The following RAD51B variants were observed in gnomAD, a reference collection of about 807,000 sequenced individuals.
The protein encoded by RAD51B is RAD51 paralog B, also known as DNA repair protein RAD51 homolog 2.
RAD51B carries 38 observed loss-of-function variants against 42.2 expected under a neutral mutation model. The ratio of observed to expected loss-of-function variants is 0.90; its 90% CI spans 0.70 to 1.18. The LOEUF (loss-of-function observed/expected upper bound fraction) is 1.18, where lower values mean the gene tolerates loss of function less well. RAD51B is among the 50% of genes most tolerant of loss of function. The probability of loss-of-function intolerance (pLI) is 0.00; values close to 1 mark genes in which losing one functional copy is unlikely to be tolerated. For missense variants in RAD51B, 373 were observed against 400.7 expected, an observed-to-expected ratio of 0.93 and a Z score of 0.59; for synonymous variants, 154 against 145.2, an observed-to-expected ratio of 1.06 and a Z score of -0.43.
chr14:68,629,049 G>A (rs12893179), intron 10 of RAD51B, among the ~76,000 whole-genome samples: 25,180 of 152,164 alleles, frequency 0.17, 2,534 homozygotes, highest in South Asian at 0.24. Context: ...GCTGCAGGAA[G>A]GCCATCACCC....
Position 68,520,366 on chromosome 14 carries a change from G to A in RAD51B, c.1036+52116G>A, listed in dbSNP as rs80087065. 7.5e-3 allele frequency among the ~76,000 whole-genome samples: 1,145 copies of A among 152,254 alleles called. 4 individuals are homozygous for A. The highest frequency in any genetic ancestry group is 0.014 in the Middle Eastern group (4 of 294). On this transcript the variant is annotated intron_variant, in intron 10 of 10. Coordinates refer to the RAD51B transcript ENST00000487270. ...TAAATTATGAACTATTAGATTACTG[G>A]CTATTAGATTATCCACTGGAATGGA... is the stretch of plus-strand genomic sequence containing the variant.
chr14:68,356,707 C>T (rs4902572), intron 8 of RAD51B, among the ~76,000 whole-genome samples: 3,762 of 151,826 alleles, frequency 0.025, no homozygotes, highest in African/African-American at 0.084. Flanking sequence ...ATAGGCCGGG[C>T]GCGGTGGCTC....
intron 9 of RAD51B, among the ~76,000 whole-genome samples, chr14:68,421,321 C>T (rs11849916): frequency 0.18 from 26,734 of 151,882 alleles, 2,692 homozygotes; most frequent in Non-Finnish European, 0.23. Flanking sequence ...TGAGATGCTA[C>T]GCCGCCTGAG....
At chr14:68,182,945 C>G (rs2140887116) in intron 7 of RAD51B, among the ~76,000 whole-genome samples, 1 of 152,252 alleles carries the variant, frequency 6.6e-6, no homozygotes, top group South Asian at 2.1e-4. Flanking sequence ...TATTCCTTTT[C>G]TTTCCTTGGT....
intron 7 of RAD51B, among the ~76,000 whole-genome samples, chr14:67,912,038 T>C (rs2044000812): frequency 1.3e-5 from 2 of 152,230 alleles, no homozygotes; most frequent in South Asian, 4.1e-4. Flanking sequence ...TTCAGAAAAT[T>C]TATTTTCTTC....
chr14:67,997,114 T>G (rs1259247906), intron 7 of RAD51B, among the ~76,000 whole-genome samples: 1 of 152,060 alleles, frequency 6.6e-6, no homozygotes. Flanking sequence ...GGTATCTAAG[T>G]GGAGTTATTG....
At chr14:67,886,257 G>A (rs1403665526) in intron 6 of RAD51B, among the ~76,000 whole-genome samples, 1 of 152,134 alleles carries the variant, frequency 6.6e-6, no homozygotes, top group Non-Finnish European at 1.5e-5. Context: ...CAGTTTAGTA[G>A]CTTAAAACAG....
At chr14:68,200,353 T>C (rs1409086361) in intron 7 of RAD51B, among the ~76,000 whole-genome samples, 2 of 152,232 alleles carry the variant, frequency 1.3e-5, no homozygotes, top group Non-Finnish European at 2.9e-5. Context: ...AAGATGGAGC[T>C]TGTCATTCTT....
At chr14:68,630,375 C>T (rs1368527623) in intron 10 of RAD51B, among the ~76,000 whole-genome samples, 1 of 152,076 alleles carries the variant, frequency 6.6e-6, no homozygotes, top group East Asian at 1.9e-4. Flanking sequence ...TTCTCCCCCA[C>T]TAGTCCCCCT....
At chr14:67,873,586 G>A (rs1204677072) in intron 5 of RAD51B, among the ~76,000 whole-genome samples, 1 of 151,940 alleles carries the variant, frequency 6.6e-6, no homozygotes, top group African/African-American at 2.4e-5. Context: ...TCCAATTACT[G>A]GGTATATACC....
At chr14:68,593,586 G>T (rs1340306824) in intron 10 of RAD51B, among the ~76,000 whole-genome samples, 1 of 152,218 alleles carries the variant, frequency 6.6e-6, no homozygotes, top group Non-Finnish European at 1.5e-5. Context: ...TGGCAAATGG[G>T]CATGGGACCC....
intron 10 of RAD51B, among the ~76,000 whole-genome samples, chr14:68,496,571 G>T (rs865792410): frequency 1.7e-4 from 26 of 152,378 alleles, no homozygotes; most frequent in Admixed American, 3.3e-4. Flanking sequence ...TGGCTGTGAT[G>T]TTCCTGGTAT....
chr14:68,150,481 G>A (rs1240020437), intron 7 of RAD51B, among the ~76,000 whole-genome samples: 1 of 9,434 alleles, frequency 1.1e-4, no homozygotes, highest in East Asian at 0.036. Context: ...GATCTTCTTT[G>A]ATTTCTTTCA....
intron 10 of RAD51B, among the ~76,000 whole-genome samples, chr14:68,616,704 T>C (rs1891834135): frequency 6.6e-6 from 1 of 152,208 alleles, no homozygotes; most frequent in Admixed American, 6.5e-5. Context: ...CTTTTTCAAT[T>C]ATACATATGT....
At chr14:68,393,303 C>T (rs976346528) in intron 8 of RAD51B, among the ~76,000 whole-genome samples, 3 of 152,284 alleles carry the variant, frequency 2.0e-5, no homozygotes, top group South Asian at 2.1e-4. Flanking sequence ...TTCCGCTTCT[C>T]CAGTTTCTTC....
chr14:68,151,824 T>C (rs1030435215), intron 7 of RAD51B, among the ~76,000 whole-genome samples: 2 of 2,540 alleles, frequency 7.9e-4, no homozygotes, highest in African/African-American at 3.2e-3. Context: ...TTATAAAGAC[T>C]TTTTTTTTTT....
chr14:68,222,937 G>A (rs2079960144), intron 7 of RAD51B, among the ~76,000 whole-genome samples: 1 of 152,070 alleles, frequency 6.6e-6, no homozygotes, highest in Non-Finnish European at 1.5e-5. Flanking sequence ...CACATACCCT[G>A]ACCAGTCACA....
chr14:68,598,968 A>G (rs963906368), downstream of RAD51B, among the ~76,000 whole-genome samples: 1 of 152,108 alleles, frequency 6.6e-6, no homozygotes, highest in Non-Finnish European at 1.5e-5. Flanking sequence ...AACTGGGAAG[A>G]AAAAAAATCC....
chr14:68,609,323 C>G (rs969008357), intron 10 of RAD51B, among the ~76,000 whole-genome samples: 3 of 152,140 alleles, frequency 2.0e-5, no homozygotes, highest in Non-Finnish European at 2.9e-5. Context: ...TGGCCACTGT[C>G]ACTCTCCTCA....
Sources: gnomAD v4.1 joint callset for allele counts (sites outside exome capture counted in the v4.1 genomes callset) on GRCh38, gnomAD v4.1.1 for gene constraint, MANE v1.5 for transcripts, NCBI Gene and HGNC (gene_info 2026-07-23, HGNC 2026-07-21) for gene names.